The following SOX13 variants were observed in gnomAD, a reference collection of about 807,000 sequenced individuals.
SOX13 encodes SRY-box transcription factor 13.
SOX13 carries 28 observed loss-of-function variants against 71.8 expected under a neutral mutation model. That is an observed-to-expected ratio of 0.39 (90% CI 0.29 to 0.53). The LOEUF (loss-of-function observed/expected upper bound fraction) is 0.53, where lower values mean the gene tolerates loss of function less well. Among genes scored for constraint, SOX13 ranks in the 20% least tolerant of loss-of-function variants. SOX13 has a pLI of 0.70. For missense variants in SOX13, 627 were observed against 810.3 expected (o/e 0.77, Z 2.75); for synonymous variants, 309 against 317.8 (o/e 0.97, Z 0.29).
At chr1:204,084,926 A>T (rs906772524) in intron 1 of SOX13, among the ~76,000 whole-genome samples, 4 of 152,180 alleles carry the variant, frequency 2.6e-5, no homozygotes, top group African/African-American at 9.7e-5. Flanking sequence ...CCCTGCTGGA[A>T]AGACAGCAAG....
intron 1 of SOX13, among the ~76,000 whole-genome samples, chr1:204,097,522 T>A (rs903476117): frequency 3.9e-5 from 6 of 151,942 alleles, no homozygotes; most frequent in African/African-American, 1.5e-4. Flanking sequence ...AGAAACCCTG[T>A]CTCTACTAAA....
At chr1:204,111,633 CTG>C (rs1178200866) in intron 1 of SOX13, among the ~76,000 whole-genome samples, 5 of 151,872 alleles carry the variant, frequency 3.3e-5, no homozygotes, top group African/African-American at 1.2e-4. Flanking sequence ...TGGCCAGACT[CTG>C]AGAGATTCTA....
chr1:204,105,491 C>T (rs1351332666), intron 1 of SOX13, among the ~76,000 whole-genome samples: 3 of 150,638 alleles, frequency 2.0e-5, no homozygotes, highest in African/African-American at 7.4e-5. Flanking sequence ...CTGCAACCTC[C>T]GCCTCCTGGG....
intron 4 of SOX13, 65 bp downstream of exon 4, chr1:204,114,670 G>A (rs1011166390): frequency 2.5e-5 from 32 of 1,266,430 alleles, no homozygotes; most frequent in South Asian, 7.1e-5. Context: ...GTCTGGCCAC[G>A]CAGCCTGGCT....
Position 204,126,111 on chromosome 1 carries a change from G to A in SOX13, c.1846G>A (p.Glu616Lys). Reference sequence around the variant, plus strand: ...GGAGGGCGAAGAGAAGAGCGATGGGGAGTTGGTGGTGCTCACAGACTGATC... The same window carrying A: ...GGAGGGCGAAGAGAAGAGCGATGGGAAGTTGGTGGTGCTCACAGACTGATC... ...DSEGEEKSDG[E>K]LVVLTD Residue 616 changes from glutamate (E) to lysine (K), a missense_variant, in exon 14 of 14, where the codon GAG becomes AAG. This residue lies in a region of SOX13 where 148 missense variants were observed against 192.7 expected (regional missense o/e 0.77). Transcript: ENST00000367204. The A allele has an allele frequency of 6.2e-7, 1 of 1,613,932 alleles. No homozygotes were observed. Among genetic ancestry groups the A allele is most frequent in the Non-Finnish European group, 8.5e-7 (1 of 1,179,842 alleles).
chr1:204,090,928 T>C (rs1244011468), intron 1 of SOX13, among the ~76,000 whole-genome samples: 1 of 152,084 alleles, frequency 6.6e-6, no homozygotes, highest in Non-Finnish European at 1.5e-5. Context: ...GGTGTTAGTT[T>C]AGATTGCAGT....
Position 204,113,077 on chromosome 1 carries a change from C to T in SOX13, c.162C>T (p.Ala54=), listed in dbSNP as rs750183745. ...CTCAGCCTGGAGACCCAGCCCGGGC[C>T]TCCCAGGATAGTGCTGACCCCCAAG... ...AEPQPGDPAR[A]SQDSADPQAP... Residue 54 remains alanine (A), a synonymous_variant, in exon 2 of 14, where the codon GCC becomes GCT. Coordinates refer to ENST00000367204, the MANE Select transcript of SOX13 (RefSeq NM_005686.3). 10 of 1,600,118 alleles carry T rather than the reference C, an allele frequency of 6.2e-6. No homozygotes were observed. The South Asian group carries it at 6.7e-5, about 11-fold the overall frequency.
chr1:204,087,822 G>C (rs926888805), intron 1 of SOX13, among the ~76,000 whole-genome samples: 1 of 152,230 alleles, frequency 6.6e-6, no homozygotes, highest in Non-Finnish European at 1.5e-5. Context: ...CTTGTCTCGG[G>C]TACCTCATAA....
intron 1 of SOX13, among the ~76,000 whole-genome samples, chr1:204,093,952 C>T (rs1455093613): frequency 6.6e-6 from 1 of 152,156 alleles, no homozygotes; most frequent in East Asian, 1.9e-4. Flanking sequence ...GGCCTGGGAG[C>T]CCTCCCCTGC....
intron 1 of SOX13, among the ~76,000 whole-genome samples, chr1:204,108,663 C>T (rs1416145110): frequency 6.6e-6 from 1 of 152,210 alleles, no homozygotes; most frequent in South Asian, 2.1e-4. Flanking sequence ...AGGAGGGACC[C>T]GGTGGCCGGC....
Position 204,114,960 on chromosome 1 carries a change from C to T in SOX13, c.418+355C>T, listed in dbSNP as rs140239879. ...TTAATTCTAGGTCAGTTGGACCTCA[C>T]TAAGTGAGTGAAAAGTAGTTACTAA... is the stretch of plus-strand genomic sequence containing the variant. On this transcript the variant is annotated intron_variant, in intron 4 of 13. Coordinates refer to ENST00000367204, the MANE Select transcript of SOX13 (RefSeq NM_005686.3). 5.9e-5 allele frequency among the ~76,000 whole-genome samples: 9 copies of T among 152,118 alleles called. No homozygotes were observed. In the East Asian group the frequency reaches 1.7e-3, roughly 29 times the overall value.
intron 1 of SOX13, among the ~76,000 whole-genome samples, chr1:204,112,574 C>G (rs937298638): frequency 6.6e-6 from 1 of 152,004 alleles, no homozygotes; most frequent in African/African-American, 2.4e-5. Context: ...GGCTCAGAAA[C>G]AGCCAGTCAG....
chr1:204,101,426 G>A (rs143448789), intron 1 of SOX13, among the ~76,000 whole-genome samples: 2 of 151,734 alleles, frequency 1.3e-5, no homozygotes, highest in East Asian at 3.9e-4. Flanking sequence ...TAGCATTTTG[G>A]GAGGCTGAGA....
chr1:204,090,977 C>CCGCCTGCT (rs1656129500), intron 1 of SOX13, among the ~76,000 whole-genome samples: 1 of 152,156 alleles, frequency 6.6e-6, no homozygotes, highest in African/African-American at 2.4e-5. Context: ...ACCTTGGACA[C>CCGCCTGCT]GGGCCGAGGA....
At chr1:204,110,273 G>A (rs1385251426) in intron 1 of SOX13, among the ~76,000 whole-genome samples, 1 of 150,642 alleles carries the variant, frequency 6.6e-6, no homozygotes, top group African/African-American at 2.4e-5. Flanking sequence ...GACTATAGGC[G>A]CATGCCACCA....
rs2102265729 is a variant in SOX13 at position 204,122,622 on chromosome 1, G to A, written c.1024+223G>A. ...TCAGGCCAGAGTCACATAGTTCCAG[G>A]GGGTACTGTTGTCATTTCTAGTCTA... On this transcript the variant is annotated intron_variant, in intron 9 of 13. Transcript: ENST00000367204. The A allele has an allele frequency of 5.0e-6, 3 of 600,934 alleles. No individual in the cohort carries two copies. In the East Asian group the frequency reaches 8.3e-5, roughly 17 times the overall value. 37.2% of individuals were successfully genotyped at this position (600,934 alleles called of 1,614,324 possible).
intron 1 of SOX13, among the ~76,000 whole-genome samples, chr1:204,086,306 A>C (rs1656016870): frequency 6.6e-6 from 1 of 152,040 alleles, no homozygotes; most frequent in African/African-American, 2.4e-5. Context: ...CTTTTTAAAA[A>C]ATTTTTTTTG....
At chr1:204,111,392 C>T (rs751612394) in intron 1 of SOX13, among the ~76,000 whole-genome samples, 6 of 152,176 alleles carry the variant, frequency 3.9e-5, no homozygotes, top group Non-Finnish European at 7.3e-5. Context: ...GCTGTGTTCC[C>T]ACTAGAACCC....
chr1:204,106,444 T>C (rs1161530694), intron 1 of SOX13, among the ~76,000 whole-genome samples: 1 of 152,194 alleles, frequency 6.6e-6, no homozygotes, highest in African/African-American at 2.4e-5. Context: ...TTTCAGGCAC[T>C]GTGCTAGGCT....
Sources: gnomAD v4.1 joint callset for allele counts (sites outside exome capture counted in the v4.1 genomes callset) on GRCh38, gnomAD v4.1.1 for gene constraint, gnomAD v4.1.1 regional missense constraint, MANE v1.5 for transcripts, NCBI Gene and HGNC (gene_info 2026-07-23, HGNC 2026-07-21) for gene names.